Variants in UGGT2 observed in about 807,000 individuals in gnomAD.
UGGT2 encodes UDP-glucose:glycoprotein glucosyltransferase 2.
Under a neutral mutation model 192.1 loss-of-function variants are expected in UGGT2, and 180 were observed. The observed-to-expected ratio is 0.94, with a 90% CI of 0.83 to 1.06. The LOEUF (loss-of-function observed/expected upper bound fraction) is 1.06, where lower values mean the gene tolerates loss of function less well. Ranked by LOEUF, UGGT2 falls within the 50% of genes least tolerant of loss-of-function variation. UGGT2 has a pLI of 0.00. For synonymous variants in UGGT2, 580 were observed against 591.0 expected (o/e 0.98, Z 0.27); for missense variants, 1,849 against 1,795.7 (o/e 1.03, Z -0.54).
Position 95,970,115 on chromosome 13 carries a change from T to G in UGGT2, c.1332A>C (p.Ile444=). 1 of 1,605,022 alleles carries G rather than the reference T, an allele frequency of 6.2e-7. No individual in the cohort carries two copies. Among genetic ancestry groups the G allele is most frequent in the Non-Finnish European group, 8.5e-7 (1 of 1,172,506 alleles). ...TYVLDIRHSS[I]MWINDLENDD... Reference sequence around the variant, plus strand: ...AAGGAATAGCATAAGCACTTACCATTATAGAAGAATGTCGAATATCTAATA... The same window carrying G: ...AAGGAATAGCATAAGCACTTACCATGATAGAAGAATGTCGAATATCTAATA... Residue 444 remains isoleucine (I), a synonymous_variant, in exon 12 of 39, where the codon ATA becomes ATC. Transcript: ENST00000376747.
intron 12 of UGGT2, among the ~76,000 whole-genome samples, chr13:95,963,162 A>C (rs1342866336): frequency 6.6e-6 from 1 of 152,164 alleles, no homozygotes; most frequent in African/African-American, 2.4e-5. Context: ...TCAACAAAAT[A>C]CTAGTAAGCC....
intron 20 of UGGT2, among the ~76,000 whole-genome samples, chr13:95,903,649 CTG>C (rs2048179473): frequency 6.6e-6 from 1 of 152,152 alleles, no homozygotes; most frequent in East Asian, 1.9e-4. Flanking sequence ...TTTTCTGTAG[CTG>C]TAGTCAATTT....
At chr13:95,890,722 C>T (rs2047776546) in intron 25 of UGGT2, 140 bp downstream of exon 25, 1 of 703,620 alleles carries the variant, frequency 1.4e-6, no homozygotes, top group African/African-American at 1.8e-5. Context: ...TCCATCATTT[C>T]ATTTTCTACA....
At chr13:95,985,087 T>C in intron 9 of UGGT2, 1 of 237,688 alleles carries the variant, frequency 4.2e-6, no homozygotes, top group Non-Finnish European at 7.9e-6. Flanking sequence ...TCAGAACCTC[T>C]GAACAGTTAT....
At chr13:95,874,984 C>T (rs562184990) in intron 29 of UGGT2, among the ~76,000 whole-genome samples, 123 of 152,302 alleles carry the variant, frequency 8.1e-4, no homozygotes, top group African/African-American at 2.7e-3. Flanking sequence ...AACTACCATG[C>T]CTAGCCTAAG....
In UGGT2 at chr13:95,877,714, A is replaced by G; in HGVS notation, c.3371T>C (p.Ile1124Thr). 2 of 1,613,778 alleles carry G rather than the reference A, an allele frequency of 1.2e-6. No homozygotes were observed. The highest frequency in any genetic ancestry group is 1.7e-6 in the Non-Finnish European group (2 of 1,179,878). Residue 1124 changes from isoleucine to threonine, a missense_variant, in exon 28 of 39, where the codon ATA (isoleucine) becomes ACA (threonine). Coordinates refer to ENST00000376747, the MANE Select transcript of UGGT2 (RefSeq NM_020121.4). Reference sequence around the variant, plus strand: ...AATACTTACATGATGTGCCATCACTATTGTATCAACCACAGCAGGTTTATT... The same window carrying G: ...AATACTTACATGATGTGCCATCACTGTTGTATCAACCACAGCAGGTTTATT... ...TKNKPAVVDTIVMAHHGYFQL... is the reference protein window; with the variant it reads ...TKNKPAVVDTTVMAHHGYFQL...
At chr13:95,921,235 T>C (rs1246868766) in intron 20 of UGGT2, among the ~76,000 whole-genome samples, 1 of 151,508 alleles carries the variant, frequency 6.6e-6, no homozygotes, top group Admixed American at 6.6e-5. Flanking sequence ...GAAGAATAGC[T>C]AAGGGATGCA....
intron 1 of UGGT2, among the ~76,000 whole-genome samples, chr13:96,035,578 A>G (rs2052977264): frequency 6.6e-6 from 1 of 152,228 alleles, no homozygotes; most frequent in Non-Finnish European, 1.5e-5. Flanking sequence ...TATTTAAACT[A>G]AAGAGTTTCT....
rs550602345 is a variant in UGGT2, at chr13:95,848,420, G to A, written c.4284+5123C>T. Among the ~76,000 whole-genome samples the A allele has an allele frequency of 1.2e-4, 19 of 152,158 alleles. No homozygotes were observed. The South Asian group carries it at 3.5e-3, about 28-fold the overall frequency. ...TCCTATATTGTCTTCCAGGAGTTTT[G>A]CATTTTGTGTTTTACATTCAAGTCT... On this transcript the variant is annotated intron_variant, in intron 36 of 38. Transcript: ENST00000376747.
rs1395629315 is a variant in UGGT2 at position 95,887,918 on chromosome 13, G to A, written c.3012C>T (p.Gly1004=). The A allele has an allele frequency of 1.3e-5, 21 of 1,602,754 alleles. No individual in the cohort carries two copies. Among genetic ancestry groups the A allele is most frequent in the Non-Finnish European group, 1.8e-5 (21 of 1,174,088 alleles). The change falls in exon 26 of 39, where the codon GGC becomes GGT. Residue 1004 remains glycine (G), a synonymous_variant. Transcript: ENST00000376747. The stretch of plus-strand genomic sequence containing the variant: ...TTTCTAAAGGGGCTTCTGAAAGCCT[G>A]CCCCTACAGTTCATGAACAACTTTA... The part of the protein sequence containing the change: ...MKIKLFMNCR[G]RLSEAPLESF...
At chr13:96,000,337 T>C (rs915966231) in intron 5 of UGGT2, among the ~76,000 whole-genome samples, 3 of 152,208 alleles carry the variant, frequency 2.0e-5, no homozygotes, top group Non-Finnish European at 4.4e-5. Flanking sequence ...CTTATTGATA[T>C]GTATATGGCC....
chr13:95,941,232 T>C (rs1362956492), intron 15 of UGGT2, among the ~76,000 whole-genome samples: 1 of 152,226 alleles, frequency 6.6e-6, no homozygotes, highest in Non-Finnish European at 1.5e-5. Flanking sequence ...AGAATATTGC[T>C]TTTGGTCCCA....
At chr13:95,819,912 C>G (rs1885327316) in intron 38 of UGGT2, among the ~76,000 whole-genome samples, 1 of 152,162 alleles carries the variant, frequency 6.6e-6, no homozygotes, top group African/African-American at 2.4e-5. Flanking sequence ...AATCCCAGCA[C>G]TTTGGGAGGC....
At chr13:95,837,855 G>C (rs996111490) in intron 36 of UGGT2, among the ~76,000 whole-genome samples, 1 of 152,224 alleles carries the variant, frequency 6.6e-6, no homozygotes, top group Non-Finnish European at 1.5e-5. Context: ...CTCTCCAAGA[G>C]TATGAAGGGT....
At chr13:95,910,074 A>G (rs996091152) in intron 20 of UGGT2, among the ~76,000 whole-genome samples, 8 of 152,190 alleles carry the variant, frequency 5.3e-5, no homozygotes, top group African/African-American at 1.9e-4. Context: ...CCTGCCTTAC[A>G]AGAGCTCCTG....
intron 38 of UGGT2, among the ~76,000 whole-genome samples, chr13:95,807,501 G>A (rs886557353): frequency 5.9e-5 from 9 of 152,104 alleles, no homozygotes; most frequent in African/African-American, 1.7e-4. Context: ...GTCATAAAAA[G>A]CAAAAGCAGT....
At position 96,053,166 on chromosome 13, in the gene UGGT2, C is replaced by A; in HGVS notation, c.147G>T (p.Leu49=). The A allele has an allele frequency of 6.6e-7, 1 of 1,513,388 alleles. No homozygotes were observed. Among genetic ancestry groups the A allele is most frequent in the Non-Finnish European group, 8.8e-7 (1 of 1,135,724 alleles). 93.7% of individuals were successfully genotyped at this position (1,513,388 alleles called of 1,614,324 possible). The change falls in exon 1 of 39, where the codon CTG becomes CTT. Residue 49 remains leucine, a synonymous_variant. Coordinates refer to ENST00000376747, the MANE Select transcript of UGGT2 (RefSeq NM_020121.4). ...LAAKWPETPL[L]LEASEFMAEE... ...CGGCCCGCACCCACCTTGCCTCCAG[C>A]AGCAGCGGGGTCTCGGGCCACTTCG... is the stretch of plus-strand genomic sequence containing the variant.
intron 11 of UGGT2, 100 bp from the exon 12 acceptor site, chr13:95,970,362 T>G: frequency 8.9e-7 from 1 of 1,120,164 alleles, no homozygotes; most frequent in Non-Finnish European, 1.3e-6. Context: ...TGAGATTTTT[T>G]GGTATCTTCA....
chr13:95,903,531 A>G (rs906270684), intron 20 of UGGT2, among the ~76,000 whole-genome samples: 1 of 152,124 alleles, frequency 6.6e-6, no homozygotes, highest in African/African-American at 2.4e-5. Flanking sequence ...TATCCCCTAA[A>G]CTTGCACTGC....
Sources: gnomAD v4.1 joint callset for allele counts (sites outside exome capture counted in the v4.1 genomes callset) on GRCh38, gnomAD v4.1.1 for gene constraint, MANE v1.5 for transcripts, NCBI Gene and HGNC (gene_info 2026-07-23, HGNC 2026-07-21) for gene names.